TPP2: variants seen among roughly 807,000 people sequenced by gnomAD.
The protein encoded by TPP2 is tripeptidyl-peptidase 2.
Under a neutral mutation model 155.9 loss-of-function variants are expected in TPP2, and 34 were observed. That is an observed-to-expected ratio of 0.22 (90% CI 0.17 to 0.29). The LOEUF is 0.29. Among genes scored for constraint, TPP2 ranks in the 10% least tolerant of loss-of-function variants. TPP2 has a pLI of 1.00. For missense variants in TPP2, 1,028 were observed against 1,522.3 expected (o/e 0.68, Z 5.40); for synonymous variants, 510 against 529.4 (o/e 0.96, Z 0.50).
At chr13:102,640,425 A>G (rs749304244) in intron 16 of TPP2, 49 bp downstream of exon 16, 3 of 1,437,616 alleles carry the variant, frequency 2.1e-6, no homozygotes, top group Non-Finnish European at 2.9e-6. Flanking sequence ...TTTACGTTCT[A>G]ATGACTATAG....
chr13:102,619,005 A>G (rs1042509400), intron 5 of TPP2, among the ~76,000 whole-genome samples, 159 bp downstream of exon 5: 3 of 152,220 alleles, frequency 2.0e-5, no homozygotes, highest in Non-Finnish European at 4.4e-5. Context: ...AGTTTTGGAC[A>G]AGCCCCTTGA....
At chr13:102,643,577 G>A (rs935200937) in intron 17 of TPP2, among the ~76,000 whole-genome samples, 7 of 152,136 alleles carry the variant, frequency 4.6e-5, no homozygotes, top group Non-Finnish European at 8.8e-5. Context: ...AATTATGGCT[G>A]TAATTCTTGA....
chr13:102,623,794 G>A (rs1452259808), intron 6 of TPP2, among the ~76,000 whole-genome samples: 1 of 152,106 alleles, frequency 6.6e-6, no homozygotes, highest in African/African-American at 2.4e-5. Context: ...TTTGGTATCT[G>A]GGGGGATTGG....
chr13:102,643,186 A>G, intron 16 of TPP2, 36 bp from the exon 17 acceptor site: 2 of 1,531,626 alleles, frequency 1.3e-6, no homozygotes, highest in African/African-American at 3.0e-5. Context: ...TAGGTCTTAT[A>G]AGTTTAAAGC....
chr13:102,670,178 G>GA (rs71125094), intron 27 of TPP2, among the ~76,000 whole-genome samples: 1 of 150,680 alleles, frequency 6.6e-6, no homozygotes, highest in Admixed American at 6.6e-5. Flanking sequence ...GGGTGGGGGG[G>GA]TGTGGCGGTG....
At chr13:102,623,158 C>A in intron 6 of TPP2, 118 bp downstream of exon 6, 1 of 1,112,202 alleles carries the variant, frequency 9.0e-7, no homozygotes, top group Non-Finnish European at 1.3e-6. Context: ...AGCTAAAGGA[C>A]TAGGTCCAGA....
At chr13:102,664,706 A>G (rs779144933) in intron 26 of TPP2, 89 bp from the exon 27 acceptor site, 54 of 1,294,402 alleles carry the variant, frequency 4.2e-5, no homozygotes, top group Non-Finnish European at 5.6e-5. Flanking sequence ...CTGCAGTTGT[A>G]GGTCTCATGG....
intron 16 of TPP2, among the ~76,000 whole-genome samples, chr13:102,641,914 C>T (rs1191063947): frequency 6.6e-6 from 1 of 152,148 alleles, no homozygotes; most frequent in African/African-American, 2.4e-5. Context: ...GCTACTTAGA[C>T]AAGGACCCTG....
rs373726395 is a variant in TPP2, at chr13:102,638,292, G to A, written c.1890G>A (p.Pro630=). 8 of 1,612,700 alleles carry A rather than the reference G, an allele frequency of 5.0e-6. No homozygotes were observed. The African/African-American group carries it at 6.7e-5, about 13-fold the overall frequency. ...ACGCAGGTCCGCTCTTCAGAGTTCC[G>A]ATCACTGCAGTTATAGCAGCAAAGT... ...SPNAGPLFRV[P]ITAVIAAKVN... The change falls in exon 15 of 30, where the codon CCG becomes CCA. Residue 630 remains proline (P), a synonymous_variant. Transcript: ENST00000376052.
At chr13:102,661,132 A>G (rs976107460) in intron 25 of TPP2, among the ~76,000 whole-genome samples, 14 of 152,178 alleles carry the variant, frequency 9.2e-5, no homozygotes, top group African/African-American at 2.7e-4. Context: ...TTTGGACTTA[A>G]TCAAGATTAA....
intron 2 of TPP2, among the ~76,000 whole-genome samples, chr13:102,609,092 C>T (rs1416369671): frequency 5.9e-5 from 9 of 152,120 alleles, no homozygotes; most frequent in African/African-American, 2.2e-4. Flanking sequence ...GAAGTCTGGC[C>T]GTAGGTATTC....
Position 102,598,661 on chromosome 13 carries a change from T to A in TPP2, c.165+1458T>A, listed in dbSNP as rs149863343. Among the ~76,000 whole-genome samples, 1,130 of 152,238 alleles carry A rather than the reference T, an allele frequency of 7.4e-3. 7 individuals carry two copies. The highest frequency in any genetic ancestry group is 0.061 in the Middle Eastern group (18 of 294). On this transcript the variant is annotated intron_variant, in intron 1 of 29. Transcript: ENST00000376052. ...GTGTGTTTACTTTTTATAGGATGAGTGGGAGGAAAACAGCTGGGATAAGTG... is the reference window on the plus strand; with the variant it reads ...GTGTGTTTACTTTTTATAGGATGAGAGGGAGGAAAACAGCTGGGATAAGTG...
chr13:102,632,979 T>C (rs1162700401), intron 10 of TPP2, among the ~76,000 whole-genome samples: 1 of 151,170 alleles, frequency 6.6e-6, no homozygotes, highest in Non-Finnish European at 1.5e-5. Context: ...GGAATATATA[T>C]GTATTGCTTT....
chr13:102,673,299 A>C lies in TPP2; in HGVS notation c.3372-984A>C, dbSNP rs188024712. Among the ~76,000 whole-genome samples the C allele has an allele frequency of 3.2e-3, 484 of 152,258 alleles. 4 individuals carry two copies. Among genetic ancestry groups the C allele is most frequent in the African/African-American group, 0.011 (463 of 41,534 alleles). The stretch of plus-strand genomic sequence containing the variant: ...ATGGTACAGTCCCGGCAGTTTTCAC[A>C]TGCTACACATTTCACTCTGAGTCTT... On this transcript the variant is annotated intron_variant, in intron 27 of 29. Transcript: ENST00000376052.
chr13:102,619,680 T>G (rs1271004091), intron 5 of TPP2, among the ~76,000 whole-genome samples: 1 of 151,404 alleles, frequency 6.6e-6, no homozygotes, highest in African/African-American at 2.4e-5. Context: ...GTATGCAATG[T>G]TAAGTTGAAT....
chr13:102,657,111 G>A lies in TPP2; in HGVS notation c.3047G>A (p.Gly1016Asp), dbSNP rs1883910436. ...CCTCCACCAACAAAGACTAAGAATGGCAGCAAAGATAAGGAAAAAGATTCA... is the reference window on the plus strand; with the variant it reads ...CCTCCACCAACAAAGACTAAGAATGACAGCAAAGATAAGGAAAAAGATTCA... The part of the protein sequence containing the change: ...LIPPPTKTKN[G>D]SKDKEKDSEK... Residue 1016 changes from glycine (G) to aspartate (D), a missense_variant, in exon 25 of 30, where the codon GGC becomes GAC. Around this residue, in one of 7 missense-constraint regions of TPP2, gnomAD observed 179 missense variants for 274.7 expected, o/e 0.65. Coordinates refer to ENST00000376052, the MANE Select transcript of TPP2 (RefSeq NM_001330588.2). 2.5e-6 allele frequency: 4 copies of A among 1,587,168 alleles called. No homozygotes were observed. The highest frequency in any genetic ancestry group is 2.6e-6 in the Non-Finnish European group (3 of 1,170,496).
chr13:102,623,233 C>G (rs778199696), intron 6 of TPP2, among the ~76,000 whole-genome samples, 193 bp downstream of exon 6: 1 of 152,134 alleles, frequency 6.6e-6, no homozygotes, highest in Non-Finnish European at 1.5e-5. Context: ...ATGTGGGATC[C>G]AGTCCAAGAA....
In TPP2 at chr13:102,620,785, G is replaced by A. The variant is rs116879470; in HGVS notation, c.620+1939G>A. 1.9e-4 allele frequency among the ~76,000 whole-genome samples: 29 copies of A among 152,312 alleles called. No homozygotes were observed. In the East Asian group the frequency reaches 5.2e-3, roughly 27 times the overall value. On this transcript the variant is annotated intron_variant, in intron 5 of 29. Coordinates refer to ENST00000376052, the MANE Select transcript of TPP2 (RefSeq NM_001330588.2). ...GTCACTCCAAATGGAACAAAAACTG[G>A]TTGAGAGAAACAGTGTTTACAGAGG...
intron 8 of TPP2, among the ~76,000 whole-genome samples, chr13:102,628,755 A>G (rs771390890): frequency 2.6e-5 from 4 of 151,974 alleles, no homozygotes; most frequent in Non-Finnish European, 5.9e-5. Flanking sequence ...CGTAACATGC[A>G]CCCTGTTATC....
Sources: allele counts gnomAD v4.1 joint callset (sites outside exome capture counted in the v4.1 genomes callset), GRCh38; gene constraint gnomAD v4.1.1; regional missense constraint gnomAD v4.1.1; transcripts MANE v1.5; gene names NCBI Gene and HGNC (gene_info 2026-07-23, HGNC 2026-07-21).